Variants in SPATA16 observed in about 807,000 individuals in gnomAD.
SPATA16 encodes spermatogenesis associated 16.
A neutral mutation model predicts 63.3 loss-of-function variants in SPATA16; 36 were observed. The observed-to-expected ratio is 0.57, with a 90% confidence interval of 0.44 to 0.75. The LOEUF (loss-of-function observed/expected upper bound fraction) is 0.75. SPATA16 is among the 30% of genes least tolerant of loss of function. The pLI, the probability that SPATA16 is intolerant of heterozygous loss-of-function variation, is 0.00. For synonymous variants in SPATA16, 203 were observed against 216.7 expected, an observed-to-expected ratio of 0.94 and a Z score of 0.56; for missense variants, 646 against 679.3, an observed-to-expected ratio of 0.95 and a Z score of 0.54.
intron 2 of SPATA16, among the ~76,000 whole-genome samples, chr3:173,105,926 C>T (rs1348371558): frequency 6.7e-6 from 1 of 149,970 alleles, no homozygotes; most frequent in Non-Finnish European, 1.5e-5. Flanking sequence ...CAAAGTAAAA[C>T]TTACCTTCCA....
chr3:173,084,025 T>C (rs1184515549), intron 2 of SPATA16, among the ~76,000 whole-genome samples: 2 of 152,136 alleles, frequency 1.3e-5, no homozygotes, highest in Admixed American at 6.6e-5. Flanking sequence ...TTATATTCCT[T>C]TGGGTGTCTA....
chr3:173,040,248 A>G (rs1466376009), intron 3 of SPATA16, among the ~76,000 whole-genome samples: 1 of 152,138 alleles, frequency 6.6e-6, no homozygotes, highest in Non-Finnish European at 1.5e-5. Flanking sequence ...TATTTGGATA[A>G]TATATAGCTA....
chr3:172,993,696 A>G (rs1015645782), intron 4 of SPATA16, among the ~76,000 whole-genome samples: 8 of 152,220 alleles, frequency 5.3e-5, no homozygotes, highest in African/African-American at 1.7e-4. Context: ...AACAACACAC[A>G]TAGCAGCAGA....
intron 2 of SPATA16, among the ~76,000 whole-genome samples, chr3:173,100,434 T>C (rs1737461454): frequency 6.6e-6 from 1 of 152,180 alleles, no homozygotes; most frequent in Non-Finnish European, 1.5e-5. Context: ...AAAAACCAGC[T>C]GGTGTGAAGC....
At chr3:173,107,083 T>C (rs769358817) in intron 2 of SPATA16, among the ~76,000 whole-genome samples, 1 of 152,146 alleles carries the variant, frequency 6.6e-6, no homozygotes, top group African/African-American at 2.4e-5. Flanking sequence ...TTAATAGATT[T>C]CTAATTGTCT....
intron 2 of SPATA16, among the ~76,000 whole-genome samples, chr3:173,098,741 T>C (rs982417841): frequency 6.6e-6 from 1 of 152,132 alleles, no homozygotes; most frequent in African/African-American, 2.4e-5. Context: ...AATGTGCACT[T>C]ACCAAAATAT....
intron 2 of SPATA16, among the ~76,000 whole-genome samples, chr3:173,094,265 T>TTC (rs1737296390): frequency 6.6e-6 from 1 of 152,156 alleles, no homozygotes; most frequent in Non-Finnish European, 1.5e-5. Context: ...CATCCAAGGG[T>TTC]CACCGTCCCA....
At chr3:173,114,578 C>T (rs1471758021) in intron 2 of SPATA16, among the ~76,000 whole-genome samples, 1 of 152,222 alleles carries the variant, frequency 6.6e-6, no homozygotes, top group Non-Finnish European at 1.5e-5. Context: ...CATATCAGCC[C>T]TTGACTACCA....
At chr3:173,140,586 A>G (rs961694583) in intron 1 of SPATA16, among the ~76,000 whole-genome samples, 2 of 152,098 alleles carry the variant, frequency 1.3e-5, no homozygotes, top group South Asian at 2.1e-4. Context: ...TCTCCCTAAT[A>G]TCCTACTCCT....
chr3:173,094,228 T>A (rs1307109142), intron 2 of SPATA16, among the ~76,000 whole-genome samples: 5 of 152,190 alleles, frequency 3.3e-5, no homozygotes, highest in Non-Finnish European at 7.4e-5. Context: ...CTGTATATTT[T>A]GTCCAATTTT....
At chr3:172,941,292 A>T (rs930931948) in intron 6 of SPATA16, among the ~76,000 whole-genome samples, 3 of 152,230 alleles carry the variant, frequency 2.0e-5, no homozygotes, top group African/African-American at 7.2e-5. Context: ...CTAAAGTATT[A>T]AAAAGGAAAC....
At chr3:173,002,906 A>G (rs1464155371) in intron 4 of SPATA16, among the ~76,000 whole-genome samples, 1 of 152,210 alleles carries the variant, frequency 6.6e-6, no homozygotes, top group African/African-American at 2.4e-5. Flanking sequence ...CGCAGAAATC[A>G]ATTACCATTG....
At chr3:173,052,075 C>T (rs751382957) in intron 2 of SPATA16, among the ~76,000 whole-genome samples, 5 of 151,658 alleles carry the variant, frequency 3.3e-5, no homozygotes, top group East Asian at 3.9e-4. Flanking sequence ...TCTCCCAAAG[C>T]GCTGGGATTA....
intron 9 of SPATA16, among the ~76,000 whole-genome samples, chr3:172,915,154 C>CT (rs1461957719): frequency 6.6e-6 from 1 of 152,072 alleles, no homozygotes; most frequent in Non-Finnish European, 1.5e-5. Flanking sequence ...AGAAGGTGTT[C>CT]TTTTGCACAC....
intron 6 of SPATA16, among the ~76,000 whole-genome samples, chr3:172,944,895 G>T (rs1476945092): frequency 1.3e-5 from 2 of 152,182 alleles, no homozygotes; most frequent in African/African-American, 2.4e-5. Context: ...AGGTTTTGTA[G>T]ATGGATGGTG....
At chr3:173,120,357 C>A (rs936442823) in intron 1 of SPATA16, among the ~76,000 whole-genome samples, 1 of 152,144 alleles carries the variant, frequency 6.6e-6, no homozygotes, top group African/African-American at 2.4e-5. Flanking sequence ...AGAGAGGCAG[C>A]TCTTGTTTAA....
chr3:173,096,441 A>C (rs1443343558), intron 2 of SPATA16, among the ~76,000 whole-genome samples: 1 of 152,168 alleles, frequency 6.6e-6, no homozygotes, highest in Non-Finnish European at 1.5e-5. Flanking sequence ...AAATACCCAG[A>C]AAAGCAAGTG....
chr3:173,057,785 A>C (rs1033443249), intron 2 of SPATA16, among the ~76,000 whole-genome samples: 3 of 152,214 alleles, frequency 2.0e-5, no homozygotes, highest in Admixed American at 2.0e-4. Flanking sequence ...AAATCAACAG[A>C]AAAACATTAC....
At chr3:172,897,070 C>T (rs1355857186) in intron 10 of SPATA16, among the ~76,000 whole-genome samples, 1 of 152,030 alleles carries the variant, frequency 6.6e-6, no homozygotes, top group Non-Finnish European at 1.5e-5. Flanking sequence ...TATAGTTTTA[C>T]ATTTTGCATT....
Sources: allele counts gnomAD v4.1 joint callset (sites outside exome capture counted in the v4.1 genomes callset), GRCh38; gene constraint gnomAD v4.1.1; transcripts MANE v1.5; gene names NCBI Gene and HGNC (gene_info 2026-07-23, HGNC 2026-07-21).